NDST4: variants seen among roughly 807,000 people sequenced by gnomAD.
NDST4 encodes N-deacetylase and N-sulfotransferase 4, also known as N-heparan sulfate sulfotransferase 4.
A neutral mutation model predicts 100.8 loss-of-function variants in NDST4; 63 were observed. The observed-to-expected ratio is 0.62, with a 90% CI of 0.51 to 0.77. The LOEUF (loss-of-function observed/expected upper bound fraction) is 0.77, where lower values mean the gene tolerates loss of function less well. NDST4 is among the 30% of genes least tolerant of loss of function. The pLI is 0.00. For synonymous variants in NDST4, 377 were observed against 361.8 expected (o/e 1.04, Z -0.48); for missense variants, 943 against 1,018.4 (o/e 0.93, Z 1.01).
At chr4:115,014,422 T>C (rs985348719) in intron 2 of NDST4, among the ~76,000 whole-genome samples, 23 of 151,974 alleles carry the variant, frequency 1.5e-4, no homozygotes, top group Non-Finnish European at 2.4e-4. Flanking sequence ...CTCAGTAAAA[T>C]GTTTAGGGGC....
At chr4:114,966,068 T>A (rs932235595) in intron 4 of NDST4, among the ~76,000 whole-genome samples, 1 of 152,042 alleles carries the variant, frequency 6.6e-6, no homozygotes, top group African/African-American at 2.4e-5. Context: ...CCTACTGCCA[T>A]ACTAAGAAGG....
intron 2 of NDST4, among the ~76,000 whole-genome samples, chr4:115,063,392 T>A (rs1728864686): frequency 1.3e-5 from 2 of 152,002 alleles, no homozygotes; most frequent in African/African-American, 2.4e-5. Context: ...AACTATTTTC[T>A]AAATTATAAT....
At chr4:114,943,029 T>A (rs1262882419) in intron 4 of NDST4, among the ~76,000 whole-genome samples, 1 of 147,370 alleles carries the variant, frequency 6.8e-6, no homozygotes, top group Non-Finnish European at 1.5e-5. Flanking sequence ...TATAATATAA[T>A]TTAAATTATA....
chr4:114,851,615 A>G (rs1384243626), intron 8 of NDST4, among the ~76,000 whole-genome samples: 1 of 152,216 alleles, frequency 6.6e-6, no homozygotes, highest in Non-Finnish European at 1.5e-5. Context: ...GATTTTTAAC[A>G]CAATTTTACA....
chr4:115,021,217 T>C (rs1355734554), intron 2 of NDST4, among the ~76,000 whole-genome samples: 1 of 123,146 alleles, frequency 8.1e-6, no homozygotes, highest in Non-Finnish European at 1.6e-5. Context: ...TCCATATATA[T>C]ATATATTCCA....
chr4:114,957,945 G>C (rs1360731227), intron 4 of NDST4, among the ~76,000 whole-genome samples: 2 of 152,214 alleles, frequency 1.3e-5, no homozygotes, highest in African/African-American at 4.8e-5. Flanking sequence ...TTGCAGGGTA[G>C]AGCCCCCTTC....
At chr4:115,098,397 A>C (rs1729663051) in intron 1 of NDST4, among the ~76,000 whole-genome samples, 1 of 152,206 alleles carries the variant, frequency 6.6e-6, no homozygotes, top group Non-Finnish European at 1.5e-5. Flanking sequence ...GGGTGGATTA[A>C]AGCCAGCAGG....
intron 2 of NDST4, among the ~76,000 whole-genome samples, chr4:115,005,829 T>C (rs1727401446): frequency 6.6e-6 from 1 of 151,590 alleles, no homozygotes; most frequent in Admixed American, 6.6e-5. Flanking sequence ...GGTCAGGAGT[T>C]CGAAACCAGC....
At chr4:115,024,880 G>T (rs1402955173) in intron 2 of NDST4, among the ~76,000 whole-genome samples, 1 of 152,180 alleles carries the variant, frequency 6.6e-6, no homozygotes, top group Non-Finnish European at 1.5e-5. Context: ...GGCCATCAGG[G>T]TTTTTCTCTC....
At position 115,033,152 on chromosome 4, in the gene NDST4, TATA is replaced by T. The variant is rs1157101654; in HGVS notation, c.978+42904_978+42906del. On this transcript the variant is annotated intron_variant, in intron 2 of 13. Transcript: ENST00000264363. ...ATGTGTATATATATATATATATATATATATATTTTTTTTTTTTTTGAAACAGGG... is the reference window on the plus strand; with the variant it reads ...ATGTGTATATATATATATATATATATTATTTTTTTTTTTTTTGAAACAGGG... Among the ~76,000 whole-genome samples the T allele has an allele frequency of 4.7e-3, 489 of 103,196 alleles. 4 individuals carry two copies. Among genetic ancestry groups the T allele is most frequent in the South Asian group, 0.016 (51 of 3,180 alleles). The allele number at this position is 103,196 out of a possible 152,430, so 67.7% of individuals were successfully genotyped here. A position where few individuals can be genotyped will look rare whatever the true frequency, so the allele number is the denominator to read the frequency against.
chr4:114,888,455 A>G (rs538441296), intron 6 of NDST4, among the ~76,000 whole-genome samples: 1 of 152,216 alleles, frequency 6.6e-6, no homozygotes, highest in Admixed American at 6.5e-5. Context: ...GAAGTTTAAA[A>G]ATGTCAATTC....
At chr4:114,831,688 A>C (rs575784569) in intron 12 of NDST4, among the ~76,000 whole-genome samples, 10 of 152,316 alleles carry the variant, frequency 6.6e-5, no homozygotes, top group Non-Finnish European at 8.8e-5. Flanking sequence ...CAGAGAAAGG[A>C]GAGCCCTCCA....
intron 2 of NDST4, among the ~76,000 whole-genome samples, chr4:115,032,547 C>G (rs1425909609): frequency 6.6e-6 from 1 of 152,068 alleles, no homozygotes; most frequent in Non-Finnish European, 1.5e-5. Context: ...TTTGAAAGAA[C>G]TGAGCATTTT....
chr4:114,832,602 T>G (rs1560768880), intron 12 of NDST4, among the ~76,000 whole-genome samples: 1 of 152,204 alleles, frequency 6.6e-6, no homozygotes, highest in East Asian at 1.9e-4. Context: ...ATATCTCCCA[T>G]CCCACATTCA....
intron 2 of NDST4, among the ~76,000 whole-genome samples, chr4:115,040,300 A>C (rs1728323337): frequency 1.3e-5 from 2 of 149,524 alleles, no homozygotes; most frequent in South Asian, 4.4e-4. Context: ...GTACTATTCC[A>C]AGGGCCTTAT....
intron 2 of NDST4, among the ~76,000 whole-genome samples, chr4:115,031,007 T>C (rs965773678): frequency 1.3e-5 from 2 of 152,168 alleles, no homozygotes; most frequent in Admixed American, 6.6e-5. Flanking sequence ...ACCCCATCTA[T>C]ATTATCTCCT....
chr4:114,884,088 A>G (rs138213394), intron 6 of NDST4, among the ~76,000 whole-genome samples: 1 of 152,250 alleles, frequency 6.6e-6, no homozygotes, highest in African/African-American at 2.4e-5. Context: ...TGCTTATATT[A>G]ATTTTAGAAA....
intron 4 of NDST4, among the ~76,000 whole-genome samples, chr4:114,949,873 G>A (rs1448173240): frequency 6.6e-6 from 1 of 151,996 alleles, no homozygotes; most frequent in Non-Finnish European, 1.5e-5. Context: ...ATTTAGAAGT[G>A]ACGTCCCAGG....
chr4:114,963,035 C>T (rs1222949995), intron 4 of NDST4, among the ~76,000 whole-genome samples: 1 of 151,904 alleles, frequency 6.6e-6, no homozygotes, highest in Admixed American at 6.6e-5. Context: ...AGTTAGTGAC[C>T]CAGTAATTCC....
Sources: gnomAD v4.1 joint callset for allele counts (sites outside exome capture counted in the v4.1 genomes callset) on GRCh38, gnomAD v4.1.1 for gene constraint, MANE v1.5 for transcripts, NCBI Gene and HGNC (gene_info 2026-07-23, HGNC 2026-07-21) for gene names.